CLIC5: variants seen among roughly 807,000 people sequenced by gnomAD.
CLIC5 encodes chloride intracellular channel protein 5.
CLIC5 carries 20 observed loss-of-function variants against 24.7 expected under a neutral mutation model. The ratio of observed to expected loss-of-function variants is 0.81; its 90% CI spans 0.57 to 1.18. The LOEUF (loss-of-function observed/expected upper bound fraction) is 1.18, where lower values mean the gene tolerates loss of function less well. Among genes scored for constraint, CLIC5 ranks in the 50% most tolerant of loss-of-function variants. The pLI, the probability that CLIC5 is intolerant of heterozygous loss-of-function variation, is 0.00. For missense variants in CLIC5, 341 were observed against 326.1 expected (o/e 1.05, Z -0.35); for synonymous variants, 159 against 135.6 (o/e 1.17, Z -1.20).
chr6:46,045,256 G>A (rs1055554100), intron 1 of CLIC5, among the ~76,000 whole-genome samples: 8 of 151,862 alleles, frequency 5.3e-5, no homozygotes, highest in Admixed American at 2.6e-4. Context: ...CCAACATACC[G>A]CATCTTGCAT....
chr6:45,957,361 T>G (rs1425045266), intron 1 of CLIC5, among the ~76,000 whole-genome samples: 1 of 152,192 alleles, frequency 6.6e-6, no homozygotes, highest in Admixed American at 6.5e-5. Flanking sequence ...TTTTCAGCTT[T>G]TACAAATGTG....
At chr6:45,923,723 C>T (rs1020207056) in intron 4 of CLIC5, among the ~76,000 whole-genome samples, 2 of 152,150 alleles carry the variant, frequency 1.3e-5, no homozygotes, top group Non-Finnish European at 2.9e-5. Context: ...TTCATCGGAT[C>T]GTGAACTGAT....
chr6:45,887,191 G>C lies in CLIC5; in HGVS notation c.624-6003C>G, dbSNP rs533191104. 5.9e-5 allele frequency among the ~76,000 whole-genome samples: 9 copies of C among 152,302 alleles called. No individual in the cohort carries two copies. The South Asian group carries it at 1.4e-3, about 25-fold the overall frequency. On this transcript the variant is annotated intron_variant, in intron 6 of 6. Transcript: ENST00000644324. The stretch of plus-strand genomic sequence containing the variant: ...CAGTTTCCTGTGGCTACTGTAACAA[G>C]TACCACAATCTGAGTGGCTTGGGAA...
At chr6:45,953,641 C>A (rs190158060) in intron 2 of CLIC5, among the ~76,000 whole-genome samples, 78 of 151,520 alleles carry the variant, frequency 5.1e-4, no homozygotes, top group Non-Finnish European at 9.0e-4. Context: ...GCTTCGGATG[C>A]ATCAAGTCCA....
At chr6:46,016,019 TC>T (rs1766992470), upstream of CLIC5, 1 of 508,796 alleles carries the variant, frequency 2.0e-6, no homozygotes, top group Admixed American at 6.4e-5. Context: ...ACAGAGCTGG[TC>T]CTGGCAAAGC....
At chr6:45,914,451 C>G (rs1427452850) in intron 4 of CLIC5, 42 bp from the exon 5 acceptor site, 1 of 1,522,610 alleles carries the variant, frequency 6.6e-7, no homozygotes, top group Non-Finnish European at 8.9e-7. Context: ...AAACTTCTTG[C>G]CAGTGGATAC....
the CLIC5 span, among the ~76,000 whole-genome samples, chr6:46,090,545 C>A: frequency 6.6e-6 from 1 of 151,878 alleles, no homozygotes; most frequent in Non-Finnish European, 1.5e-5. Context: ...TTTTACAGTT[C>A]ATTTAACAAC....
chr6:45,910,895 A>T (rs1762797629), intron 5 of CLIC5, among the ~76,000 whole-genome samples: 1 of 152,180 alleles, frequency 6.6e-6, no homozygotes, highest in African/African-American at 2.4e-5. Flanking sequence ...TTTCTGTCAG[A>T]GTCTCCATTT....
chr6:45,908,196 A>C (rs1762714309), intron 5 of CLIC5, among the ~76,000 whole-genome samples: 1 of 151,534 alleles, frequency 6.6e-6, no homozygotes, highest in Admixed American at 6.6e-5. Flanking sequence ...TGGTTTATGG[A>C]TCTTCTTTAT....
At chr6:46,019,122 C>T (rs1430674716), upstream of CLIC5, among the ~76,000 whole-genome samples, 2 of 146,108 alleles carry the variant, frequency 1.4e-5, no homozygotes, top group Non-Finnish European at 3.0e-5. Context: ...AATGGAATGA[C>T]AAGAAATATT....
intron 1 of CLIC5, among the ~76,000 whole-genome samples, chr6:45,974,445 C>T (rs1308049813): frequency 1.4e-5 from 2 of 142,320 alleles, no homozygotes; most frequent in East Asian, 4.2e-4. Flanking sequence ...GGAGACTCAA[C>T]AATATGTTTT....
chr6:46,121,995 C>A, the CLIC5 span, among the ~76,000 whole-genome samples: 1 of 152,084 alleles, frequency 6.6e-6, no homozygotes, highest in Admixed American at 6.5e-5. Flanking sequence ...ACTTTAACAC[C>A]CCACTGTCAA....
At position 45,900,478 on chromosome 6, in the gene CLIC5, A is replaced by G. The variant is rs1203191673; in HGVS notation, c.*2610T>C. 6.7e-6 allele frequency: 1 copy of G among 149,332 alleles called. No individual in the cohort carries two copies. The highest frequency in any genetic ancestry group is 1.5e-5 in the Non-Finnish European group (1 of 67,778). 9.3% of individuals were successfully genotyped at this position (149,332 alleles called of 1,614,324 possible). A position where few individuals can be genotyped will look rare whatever the true frequency, so the allele number is the denominator to read the frequency against. ...TGCTGAGACATGATGTGCTGCACAT[A>G]TGATAAGAAGGCCAGACAGGCTGAA... On this transcript the variant is annotated 3_prime_UTR_variant, in exon 6 of 6. Coordinates refer to ENST00000339561, the MANE Select transcript of CLIC5 (RefSeq NM_016929.5).
At chr6:46,020,394 A>G (rs1767142593), upstream of CLIC5, among the ~76,000 whole-genome samples, 2 of 152,140 alleles carry the variant, frequency 1.3e-5, no homozygotes, top group African/African-American at 4.8e-5. Context: ...TGAACATACA[A>G]CATATCAAAA....
At chr6:46,077,395 A>C (rs1026279551) in intron 1 of CLIC5, among the ~76,000 whole-genome samples, 3 of 151,992 alleles carry the variant, frequency 2.0e-5, no homozygotes, top group Non-Finnish European at 4.4e-5. Context: ...CAGAACTGAA[A>C]AGCCGTAAGC....
chr6:45,940,862 T>C (rs890092872), intron 4 of CLIC5, among the ~76,000 whole-genome samples: 8 of 152,338 alleles, frequency 5.3e-5, no homozygotes, highest in Non-Finnish European at 1.2e-4. Flanking sequence ...CTTTAGGTAA[T>C]TCTTAAAGGG....
In CLIC5 at chr6:45,981,908, G is replaced by A. The variant is rs1040721616; in HGVS notation, c.64-26664C>T. Among the ~76,000 whole-genome samples, 8 of 151,862 alleles carry A rather than the reference G, an allele frequency of 5.3e-5. 1 individual carries two copies. On this transcript the variant is annotated intron_variant, in intron 1 of 5. Coordinates refer to ENST00000339561, the MANE Select transcript of CLIC5 (RefSeq NM_016929.5). ...AGTTACTCGGGAGGCTGAGGCAGGA[G>A]AATCTCTTGAACCTGGGAGGCAGAG...
chr6:46,006,435 C>A (rs1283756178), intron 1 of CLIC5, among the ~76,000 whole-genome samples: 4 of 151,576 alleles, frequency 2.6e-5, no homozygotes, highest in African/African-American at 9.7e-5. Context: ...TGAGCCACTG[C>A]GCCTGGCCCC....
At chr6:46,058,097 T>TGTGTG (rs66516959) in intron 1 of CLIC5, among the ~76,000 whole-genome samples, 14 of 146,644 alleles carry the variant, frequency 9.5e-5, no homozygotes, top group Admixed American at 4.0e-4. Flanking sequence ...GTGTGTGTGT[T>TGTGTG]TGTCTGGATA....
Sources: allele counts gnomAD v4.1 joint callset (sites outside exome capture counted in the v4.1 genomes callset), GRCh38; gene constraint gnomAD v4.1.1; transcripts MANE v1.5; gene names NCBI Gene and HGNC (gene_info 2026-07-23, HGNC 2026-07-21).